AGBL1: variants seen among roughly 807,000 people sequenced by gnomAD.
AGBL1 encodes the protein AGBL carboxypeptidase 1, also known as cytosolic carboxypeptidase 4.
In AGBL1, 130 loss-of-function variants were observed where a neutral mutation model predicts 118.9. The observed-to-expected ratio is 1.09, with a 90% CI of 0.95 to 1.26. The LOEUF is 1.26. Ranked by LOEUF, AGBL1 falls within the 50% of genes most tolerant of loss-of-function variation. AGBL1 has a pLI of 0.00. For missense variants in AGBL1, 1,584 were observed against 1,298.1 expected (o/e 1.22, Z -3.38); for synonymous variants, 555 against 478.9 (o/e 1.16, Z -2.08).
At chr15:86,906,123 G>A (rs1404340156) in intron 22 of AGBL1, among the ~76,000 whole-genome samples, 1 of 152,180 alleles carries the variant, frequency 6.6e-6, no homozygotes, top group Non-Finnish European at 1.5e-5. Context: ...TGGATGAACA[G>A]CTCTGCCTGA....
At chr15:86,450,851 TTAA>T (rs2082184154) in intron 18 of AGBL1, among the ~76,000 whole-genome samples, 1 of 152,228 alleles carries the variant, frequency 6.6e-6, no homozygotes, top group South Asian at 2.1e-4. Flanking sequence ...AGAGCCATTA[TTAA>T]TAATATTTTA....
chr15:86,405,584 T>A (rs1158779), intron 18 of AGBL1, among the ~76,000 whole-genome samples: 50,346 of 152,008 alleles, frequency 0.33, 9,050 homozygotes, highest in East Asian at 0.77. Flanking sequence ...GAAAAGTGGC[T>A]CTCATACGTA....
chr15:86,161,314 C>G (rs995037243), intron 5 of AGBL1, among the ~76,000 whole-genome samples: 3 of 152,190 alleles, frequency 2.0e-5, no homozygotes, highest in Non-Finnish European at 4.4e-5. Flanking sequence ...TATGAGGTGC[C>G]CTGCACTGTG....
At chr15:86,410,669 C>T (rs1450760263) in intron 18 of AGBL1, among the ~76,000 whole-genome samples, 1 of 150,268 alleles carries the variant, frequency 6.7e-6, no homozygotes, top group Non-Finnish European at 1.5e-5. Flanking sequence ...CTATGTTCTT[C>T]TCAATGGTAG....
chr15:86,221,114 C>G (rs963951447), intron 5 of AGBL1, among the ~76,000 whole-genome samples: 7 of 152,130 alleles, frequency 4.6e-5, no homozygotes, highest in African/African-American at 1.4e-4. Context: ...AGGAGACTCA[C>G]TCGAACCCAA....
At chr15:86,672,135 C>T (rs747199256) in intron 21 of AGBL1, among the ~76,000 whole-genome samples, 1 of 152,046 alleles carries the variant, frequency 6.6e-6, no homozygotes, top group Non-Finnish European at 1.5e-5. Context: ...GAGAAAAAAA[C>T]AGAGTAGTAA....
chr15:86,109,952 C>T lies in AGBL1; in HGVS notation c.51+29929C>T, dbSNP rs562142279. 19 of 152,312 alleles carry T rather than the reference C, an allele frequency of 1.2e-4. No individual in the cohort carries two copies. In the East Asian group the frequency reaches 3.3e-3, roughly 26 times the overall value. 9.4% of individuals were successfully genotyped at this position (152,312 alleles called of 1,614,324 possible). A position where few individuals can be genotyped will look rare whatever the true frequency, so the allele number is the denominator to read the frequency against. Reference sequence around the variant, plus strand: ...TCATACAAATAAATTCCGCTAAACCCAAGCTAAATAGATCCTCAACTCAAC... The same window carrying T: ...TCATACAAATAAATTCCGCTAAACCTAAGCTAAATAGATCCTCAACTCAAC... On this transcript the variant is annotated intron_variant, in intron 1 of 22. Coordinates refer to ENST00000614907, the MANE Select transcript of AGBL1 (RefSeq NM_001386094.1).
At chr15:86,152,676 A>G (rs112694340) in intron 3 of AGBL1, among the ~76,000 whole-genome samples, 121 of 152,354 alleles carry the variant, frequency 7.9e-4, no homozygotes, top group Non-Finnish European at 1.3e-3. Context: ...GGATCTAATT[A>G]AACTAAAGAG....
chr15:86,127,483 T>C (rs2076761784), intron 1 of AGBL1, among the ~76,000 whole-genome samples: 1 of 152,144 alleles, frequency 6.6e-6, no homozygotes, highest in Non-Finnish European at 1.5e-5. Context: ...GTGGTGAGTA[T>C]GGACACAATG....
In AGBL1 at chr15:86,361,066, A is replaced by T. The variant is rs976623178; in HGVS notation, c.2375-36300A>T. On this transcript the variant is annotated intron_variant, in intron 17 of 22. Coordinates refer to ENST00000614907, the MANE Select transcript of AGBL1 (RefSeq NM_001386094.1). ...CTTAAAGGTATAAAATTTATTTGAG[A>T]TCTTTCTTCTTTTATAATGTAGACA... 4.0e-5 allele frequency among the ~76,000 whole-genome samples: 6 copies of T among 151,642 alleles called. No individual in the cohort carries two copies. The East Asian group carries it at 1.2e-3, about 29-fold the overall frequency.
chr15:86,901,117 T>G (rs2080206049), intron 22 of AGBL1, among the ~76,000 whole-genome samples: 1 of 152,194 alleles, frequency 6.6e-6, no homozygotes, highest in South Asian at 2.1e-4. Flanking sequence ...CTTTAAATAG[T>G]CCAGATAATG....
intron 3 of AGBL1, among the ~76,000 whole-genome samples, chr15:86,151,074 A>G (rs1238461633): frequency 2.0e-5 from 3 of 149,968 alleles, no homozygotes; most frequent in Non-Finnish European, 3.0e-5. Flanking sequence ...AACACCGCAT[A>G]TTCTTACTCA....
chr15:86,568,408 G>GTTTTT (rs2083949858), intron 21 of AGBL1, among the ~76,000 whole-genome samples: 1 of 152,030 alleles, frequency 6.6e-6, no homozygotes. Flanking sequence ...ATCTCTAGAG[G>GTTTTT]GCCCTTCACA....
At chr15:86,250,344 G>A (rs1261942031) in intron 7 of AGBL1, among the ~76,000 whole-genome samples, 1 of 151,644 alleles carries the variant, frequency 6.6e-6, no homozygotes, top group Admixed American at 6.6e-5. Context: ...GGCCAACATG[G>A]CAAAACCCCA....
intron 24 of AGBL1, among the ~76,000 whole-genome samples, chr15:86,998,824 A>G (rs1476861269): frequency 6.6e-6 from 1 of 152,036 alleles, no homozygotes; most frequent in Non-Finnish European, 1.5e-5. Context: ...CCAAGGTGAC[A>G]TGGAGCCAAG....
intron 21 of AGBL1, among the ~76,000 whole-genome samples, chr15:86,566,018 T>C (rs2083908151): frequency 6.6e-6 from 1 of 152,204 alleles, no homozygotes; most frequent in Non-Finnish European, 1.5e-5. Flanking sequence ...ATTTTCCAGG[T>C]GCCATCTGTC....
chr15:86,834,118 C>T (rs1467696444), intron 22 of AGBL1, among the ~76,000 whole-genome samples: 1 of 152,116 alleles, frequency 6.6e-6, no homozygotes, highest in Non-Finnish European at 1.5e-5. Flanking sequence ...ACAATGGAGA[C>T]AAGGAAGCCC....
chr15:86,418,370 C>T (rs146268298), intron 18 of AGBL1, among the ~76,000 whole-genome samples: 40 of 152,296 alleles, frequency 2.6e-4, no homozygotes, highest in Non-Finnish European at 5.3e-4. Context: ...TCACTGAAGG[C>T]CTGTTAAGCT....
chr15:86,252,198 T>G (rs973311552), intron 7 of AGBL1, among the ~76,000 whole-genome samples: 3 of 152,188 alleles, frequency 2.0e-5, no homozygotes, highest in African/African-American at 7.2e-5. Flanking sequence ...TATGGCCTTT[T>G]AAAAGTCACA....
Sources: allele counts gnomAD v4.1 joint callset (sites outside exome capture counted in the v4.1 genomes callset), GRCh38; gene constraint gnomAD v4.1.1; transcripts MANE v1.5; gene names NCBI Gene and HGNC (gene_info 2026-07-23, HGNC 2026-07-21).